SESN1: variants seen among roughly 807,000 people sequenced by gnomAD.
SESN1 encodes sestrin 1, also known as sestrin-1.
SESN1 carries 30 observed loss-of-function variants against 59.3 expected under a neutral mutation model. The ratio of observed to expected loss-of-function variants is 0.51; its 90% CI spans 0.38 to 0.69. The LOEUF is 0.69. SESN1 is among the 30% of genes least tolerant of loss of function. The pLI is 0.00. For missense variants in SESN1, 566 were observed against 673.0 expected (o/e 0.84, Z 1.76); for synonymous variants, 197 against 219.9 (o/e 0.90, Z 0.92).
chr6:108,999,564 G>A (rs1051124446), intron 4 of SESN1, among the ~76,000 whole-genome samples: 2 of 152,104 alleles, frequency 1.3e-5, no homozygotes, highest in Non-Finnish European at 2.9e-5. Context: ...ACATAAAGAT[G>A]CATAACAATG....
At chr6:109,055,088 A>C (rs920795323) in intron 1 of SESN1, among the ~76,000 whole-genome samples, 1 of 152,184 alleles carries the variant, frequency 6.6e-6, no homozygotes, top group Non-Finnish European at 1.5e-5. Context: ...TGCTCACACA[A>C]GGTTCTAATC....
intron 1 of SESN1, among the ~76,000 whole-genome samples, chr6:109,058,329 T>A (rs779903837): frequency 3.3e-5 from 5 of 152,174 alleles, no homozygotes; most frequent in Admixed American, 6.5e-5. Flanking sequence ...ATAATTACCA[T>A]TGTGTTACAA....
chr6:109,093,869 G>C lies in SESN1; in HGVS notation c.205C>G (p.Leu69Val). ...SDGLNKLLAHLLMLSKRCPFK... is the reference protein window; with the variant it reads ...SDGLNKLLAHVLMLSKRCPFK... Reference sequence around the variant, plus strand: ...GGACACCTCTTAGAAAGCATAAGCAGATGAGCAAGTAGCTTATTCAACCCA... The same window carrying C: ...GGACACCTCTTAGAAAGCATAAGCACATGAGCAAGTAGCTTATTCAACCCA... Residue 69 changes from leucine (L) to valine (V), a missense_variant, in exon 1 of 10, where the codon CTG becomes GTG. Leu to Val is a conservative substitution (Grantham distance 32). Coordinates refer to ENST00000436639, the MANE Select transcript of SESN1 (RefSeq NM_014454.3). 6.2e-7 allele frequency: 1 copy of C among 1,614,184 alleles called. No individual in the cohort carries two copies. The highest frequency in any genetic ancestry group is 8.5e-7 in the Non-Finnish European group (1 of 1,180,018).
chr6:109,056,243 CA>C (rs1164310950), intron 1 of SESN1, among the ~76,000 whole-genome samples: 1 of 152,074 alleles, frequency 6.6e-6, no homozygotes, highest in Non-Finnish European at 1.5e-5. Context: ...CTCATCTTTA[CA>C]AATAATTTAA....
At chr6:109,053,694 T>TC (rs1780580590) in intron 1 of SESN1, among the ~76,000 whole-genome samples, 1 of 152,236 alleles carries the variant, frequency 6.6e-6, no homozygotes, top group Non-Finnish European at 1.5e-5. Context: ...TTAGACGCTT[T>TC]CACTGCTTTT....
At chr6:109,001,172 G>T in intron 3 of SESN1, 116 bp downstream of exon 3, 1 of 868,622 alleles carries the variant, frequency 1.2e-6, no homozygotes, top group Non-Finnish European at 1.8e-6. Context: ...TGTGCAACAG[G>T]AATCATATTA....
intron 1 of SESN1, among the ~76,000 whole-genome samples, chr6:109,087,863 T>C (rs936156015): frequency 1.3e-4 from 19 of 151,884 alleles, no homozygotes; most frequent in Admixed American, 3.9e-4. Flanking sequence ...TCTAGTTAGA[T>C]ACACATGCAG....
intron 4 of SESN1, chr6:108,998,973 T>G (rs1055629230): frequency 4.3e-5 from 16 of 370,148 alleles, no homozygotes; most frequent in Non-Finnish European, 7.1e-5. Flanking sequence ...TCACTATTAT[T>G]TTGATTTTCT....
chr6:109,030,059 T>C lies in SESN1; in HGVS notation c.280-27716A>G, dbSNP rs540316606. On this transcript the variant is annotated intron_variant, in intron 1 of 9. Coordinates refer to ENST00000436639, the MANE Select transcript of SESN1 (RefSeq NM_014454.3). ...ATATAAGTGGCAGGTAAAAATAAAATAGCCTTTTAACTTGGCCATAGCTTT... is the reference window on the plus strand; with the variant it reads ...ATATAAGTGGCAGGTAAAAATAAAACAGCCTTTTAACTTGGCCATAGCTTT... Among the ~76,000 whole-genome samples, 4 of 152,242 alleles carry C rather than the reference T, an allele frequency of 2.6e-5. No individual in the cohort carries two copies. In the South Asian group the frequency reaches 6.2e-4, roughly 24 times the overall value.
intron 1 of SESN1, among the ~76,000 whole-genome samples, chr6:109,030,177 C>A (rs1032198534): frequency 6.6e-6 from 1 of 152,166 alleles, no homozygotes; most frequent in Admixed American, 6.5e-5. Flanking sequence ...TAGCTCTGAA[C>A]CCTCAGAATC....
At chr6:109,058,095 A>G (rs1780666188) in intron 1 of SESN1, among the ~76,000 whole-genome samples, 1 of 151,942 alleles carries the variant, frequency 6.6e-6, no homozygotes, top group African/African-American at 2.4e-5. Context: ...TTAATTAATT[A>G]ACTTTTTGAG....
intron 1 of SESN1, among the ~76,000 whole-genome samples, chr6:109,071,668 C>A (rs1386681661): frequency 1.3e-5 from 2 of 152,080 alleles, no homozygotes; most frequent in Non-Finnish European, 2.9e-5. Context: ...CAGGTGAGGG[C>A]CTGCCAGTTT....
At chr6:109,060,327 C>A (rs1780711196) in intron 1 of SESN1, among the ~76,000 whole-genome samples, 1 of 151,990 alleles carries the variant, frequency 6.6e-6, no homozygotes, top group South Asian at 2.1e-4. Flanking sequence ...TGTATGTATT[C>A]CTGATCCACA....
chr6:109,000,729 C>A, intron 3 of SESN1, 56 bp from the exon 4 acceptor site: 1 of 1,300,324 alleles, frequency 7.7e-7, no homozygotes, highest in Non-Finnish European at 1.0e-6. Context: ...ACTACATATC[C>A]TTTTTATTTA....
In SESN1 at chr6:109,050,506, G is replaced by A. The variant is rs76206186; in HGVS notation, c.279+43289C>T. Among the ~76,000 whole-genome samples, 1,418 of 152,124 alleles carry A rather than the reference G, an allele frequency of 9.3e-3. 21 individuals are homozygous for A. The highest frequency in any genetic ancestry group is 0.033 in the African/African-American group (1,363 of 41,478). On this transcript the variant is annotated intron_variant, in intron 1 of 9. Coordinates refer to ENST00000436639, the MANE Select transcript of SESN1 (RefSeq NM_014454.3). ...AAATAGACTTTAAATATATAAAACTGATTGAAGGAGGAAAAATTAGTTGGA... is the reference window on the plus strand; with the variant it reads ...AAATAGACTTTAAATATATAAAACTAATTGAAGGAGGAAAAATTAGTTGGA...
At chr6:109,000,381 G>C in intron 4 of SESN1, 110 bp downstream of exon 4, 2 of 749,992 alleles carry the variant, frequency 2.7e-6, no homozygotes, top group South Asian at 3.5e-5. Flanking sequence ...AGAGATTCAG[G>C]GGGTAGAAAA....
At chr6:109,017,266 G>T (rs189162514) in intron 1 of SESN1, among the ~76,000 whole-genome samples, 181 of 152,100 alleles carry the variant, frequency 1.2e-3, no homozygotes, top group African/African-American at 4.2e-3. Context: ...TTCATTATTT[G>T]TAAATATTTA....
rs554223421 is a variant in SESN1, at chr6:109,009,644, C to A, written c.280-7301G>T. On this transcript the variant is annotated intron_variant, in intron 1 of 9. Transcript: ENST00000436639. ...GCCCTGGCGGCCACGCAAGCCAATGCGGGCTCGCGTCCCCGCAAAGCACCG... is the reference window on the plus strand; with the variant it reads ...GCCCTGGCGGCCACGCAAGCCAATGAGGGCTCGCGTCCCCGCAAAGCACCG... The A allele has an allele frequency of 3.3e-4, 266 of 801,342 alleles. No individual in the cohort carries two copies. The African/African-American group carries it at 4.6e-3, about 14-fold the overall frequency. The allele number at this position is 801,342 out of a possible 1,614,324, so 49.6% of individuals were successfully genotyped here. A position where few individuals can be genotyped will look rare whatever the true frequency, so the allele number is the denominator to read the frequency against.
chr6:108,989,447 A>C (rs1562451566), intron 8 of SESN1, among the ~76,000 whole-genome samples: 1 of 149,064 alleles, frequency 6.7e-6, no homozygotes, highest in Non-Finnish European at 1.5e-5. Context: ...ATCTAGATAC[A>C]TCTCTATATC....
Sources: gnomAD v4.1 joint callset for allele counts (sites outside exome capture counted in the v4.1 genomes callset) on GRCh38, gnomAD v4.1.1 for gene constraint, MANE v1.5 for transcripts, NCBI Gene and HGNC (gene_info 2026-07-23, HGNC 2026-07-21) for gene names.